The following KCNQ3 variants were observed in gnomAD, a reference collection of about 807,000 sequenced individuals.
KCNQ3 encodes potassium voltage-gated channel subfamily KQT member 3.
KCNQ3 carries 30 observed loss-of-function variants against 92.5 expected under a neutral mutation model. That is an observed-to-expected ratio of 0.32 (90% CI 0.24 to 0.44). KCNQ3 has a LOEUF of 0.44. KCNQ3 is among the 20% of genes least tolerant of loss of function. KCNQ3 has a pLI of 1.00. For missense variants in KCNQ3, 913 were observed against 1,140.3 expected, an observed-to-expected ratio of 0.80 and a Z score of 2.87; for synonymous variants, 450 against 468.8, an observed-to-expected ratio of 0.96 and a Z score of 0.52.
chr8:132,264,612 A>C (rs957353546), intron 1 of KCNQ3, among the ~76,000 whole-genome samples: 11 of 152,346 alleles, frequency 7.2e-5, no homozygotes, highest in Admixed American at 6.5e-4. Context: ...GACATGTGCC[A>C]GGAGTCCCAC....
chr8:132,346,438 T>A (rs1818691093), intron 1 of KCNQ3, among the ~76,000 whole-genome samples: 2 of 151,966 alleles, frequency 1.3e-5, no homozygotes, highest in African/African-American at 4.8e-5. Flanking sequence ...TTTCCAAAGG[T>A]CGGGATGACT....
intron 1 of KCNQ3, among the ~76,000 whole-genome samples, chr8:132,464,916 G>A (rs978174978): frequency 1.3e-5 from 2 of 152,202 alleles, no homozygotes; most frequent in African/African-American, 2.4e-5. Flanking sequence ...AATGGCCTCT[G>A]AGTGATCAGT....
intron 1 of KCNQ3, among the ~76,000 whole-genome samples, chr8:132,373,895 A>T (rs1819542013): frequency 6.6e-6 from 1 of 152,066 alleles, no homozygotes; most frequent in Admixed American, 6.5e-5. Context: ...AGGCCACGGC[A>T]ACCCCCTCAG....
At chr8:132,221,346 G>C (rs954935254) in intron 1 of KCNQ3, among the ~76,000 whole-genome samples, 2 of 152,258 alleles carry the variant, frequency 1.3e-5, no homozygotes, top group African/African-American at 4.8e-5. Flanking sequence ...TGGGAGCACT[G>C]GGTCAAATGG....
chr8:132,229,211 G>A (rs1255632706), intron 1 of KCNQ3, among the ~76,000 whole-genome samples: 1 of 151,072 alleles, frequency 6.6e-6, no homozygotes, highest in African/African-American at 2.4e-5. Context: ...CTGAGATGGT[G>A]AGATCATGCC....
At chr8:132,261,325 C>T (rs1474731116) in intron 1 of KCNQ3, among the ~76,000 whole-genome samples, 2 of 152,166 alleles carry the variant, frequency 1.3e-5, no homozygotes, top group South Asian at 2.1e-4. Flanking sequence ...TGCCTCTCTA[C>T]CCCAGTCAAG....
chr8:132,171,817 C>A (rs530371016), intron 7 of KCNQ3, among the ~76,000 whole-genome samples: 13 of 152,168 alleles, frequency 8.5e-5, no homozygotes, highest in African/African-American at 3.1e-4. Flanking sequence ...AAGCCTAGTG[C>A]AGCCCCAGGT....
chr8:132,307,560 C>T (rs750612422), intron 1 of KCNQ3, among the ~76,000 whole-genome samples: 7 of 152,320 alleles, frequency 4.6e-5, no homozygotes, highest in Admixed American at 6.5e-5. Context: ...TTTCTAGATT[C>T]AAGACTTCCC....
At position 132,392,640 on chromosome 8, in the gene KCNQ3, AT is replaced by A. The variant is rs1290431938; in HGVS notation, c.386+87506del. ...AACACAGCAAGACCCTGACTCTACA[AT>A]TTTTTTTTAATTAGCTGGGCATGGT... On this transcript the variant is annotated intron_variant, in intron 1 of 14. Transcript: ENST00000388996. Among the ~76,000 whole-genome samples, 11 of 150,736 alleles carry A rather than the reference AT, an allele frequency of 7.3e-5. No individual in the cohort carries two copies. The South Asian group carries it at 8.4e-4, about 12-fold the overall frequency.
chr8:132,480,540 GC>G lies in KCNQ3; in HGVS notation c.-9del. ...GCGCGCCTTGAGCCCCATCTGCCTC[GC>G]CCCCGCCGGCCGCTTCGCCTTCTCC... On this transcript the variant is annotated 5_prime_UTR_variant, in exon 1 of 15. Coordinates refer to ENST00000388996, the MANE Select transcript of KCNQ3 (RefSeq NM_004519.4). 4.0e-6 allele frequency: 5 copies of G among 1,245,446 alleles called. No individual in the cohort carries two copies. Among genetic ancestry groups the G allele is most frequent in the Admixed American group, 2.5e-5 (1 of 40,036 alleles). The allele number at this position is 1,245,446 out of a possible 1,614,324, so 77.1% of individuals were successfully genotyped here.
rs536984388 is a variant in KCNQ3, at chr8:132,335,044, C to T, written c.386+145103G>A. Among the ~76,000 whole-genome samples the T allele has an allele frequency of 2.4e-3, 354 of 149,474 alleles. 5 individuals are homozygous for T. The highest frequency in any genetic ancestry group is 0.014 in the Middle Eastern group (4 of 288). On this transcript the variant is annotated intron_variant, in intron 1 of 14. Coordinates refer to ENST00000388996, the MANE Select transcript of KCNQ3 (RefSeq NM_004519.4). Reference sequence around the variant, plus strand: ...TTCCTTCCTTGTTTTCTTTTCTTTTCTTTTTTCTTCTTTTTTTGAAGGAGT... The same window carrying T: ...TTCCTTCCTTGTTTTCTTTTCTTTTTTTTTTTCTTCTTTTTTTGAAGGAGT...
intron 1 of KCNQ3, among the ~76,000 whole-genome samples, chr8:132,250,795 T>C (rs1815382114): frequency 6.6e-6 from 1 of 152,178 alleles, no homozygotes; most frequent in African/African-American, 2.4e-5. Context: ...ACGTAATGGC[T>C]GCCCTTAAGG....
At chr8:132,157,873 C>G (rs560143480) in intron 9 of KCNQ3, among the ~76,000 whole-genome samples, 65 of 152,234 alleles carry the variant, frequency 4.3e-4, no homozygotes, top group Non-Finnish European at 8.7e-4. Flanking sequence ...GTTCCCCTCC[C>G]TGTGTCCATG....
intron 1 of KCNQ3, among the ~76,000 whole-genome samples, chr8:132,395,325 T>G (rs1383726990): frequency 6.6e-6 from 1 of 152,194 alleles, no homozygotes; most frequent in Non-Finnish European, 1.5e-5. Flanking sequence ...TTAACTATGG[T>G]CATCCTACAG....
chr8:132,166,192 A>G (rs766822587), intron 8 of KCNQ3, among the ~76,000 whole-genome samples: 3 of 152,214 alleles, frequency 2.0e-5, no homozygotes, highest in Non-Finnish European at 4.4e-5. Flanking sequence ...TAAAATTAAA[A>G]AATCTGTTCC....
At chr8:132,374,551 G>C (rs1819560539) in intron 1 of KCNQ3, among the ~76,000 whole-genome samples, 1 of 152,180 alleles carries the variant, frequency 6.6e-6, no homozygotes, top group Admixed American at 6.5e-5. Context: ...AGGTTCACAG[G>C]TACACGTACA....
At position 132,141,245 on chromosome 8, in the gene KCNQ3, A is replaced by G. The variant is rs1440481290; in HGVS notation, c.1349T>C (p.Val450Ala). ...TKGKLFTPLN[V>A]DAIEESPSKE... The stretch of plus-strand genomic sequence containing the variant: ...AGAAGGACTTTCTTCTATGGCATCT[A>G]CATTCAGAGGGGTAAATAGCTTTCC... The change falls in exon 10 of 15, where the codon GTA becomes GCA. Residue 450 changes from valine to alanine, a missense_variant. By Grantham distance (64) the Val-to-Ala change is moderately conservative. Transcript: ENST00000388996. 1 of 1,614,214 alleles carries G rather than the reference A, an allele frequency of 6.2e-7. No homozygotes were observed. Among genetic ancestry groups the G allele is most frequent in the Non-Finnish European group, 8.5e-7 (1 of 1,180,016 alleles).
rs1445113174 is a variant in KCNQ3 at position 132,129,176 on chromosome 8, C to A, written c.*86G>T. Reference sequence around the variant, plus strand: ...ATGCATTTGATGCAGCCATTGGTGTCCCCGCTGGTAAGCGTCGGGTGTAAG... The same window carrying A: ...ATGCATTTGATGCAGCCATTGGTGTACCCGCTGGTAAGCGTCGGGTGTAAG... On this transcript the variant is annotated 3_prime_UTR_variant, in exon 15 of 15. Coordinates refer to ENST00000388996, the MANE Select transcript of KCNQ3 (RefSeq NM_004519.4). The surrounding 1 kb of genome is among the most constrained non-coding windows in gnomAD (Gnocchi z 5.9). The A allele has an allele frequency of 6.6e-7, 1 of 1,516,724 alleles. No homozygotes were observed. The highest frequency in any genetic ancestry group is 9.0e-7 in the Non-Finnish European group (1 of 1,115,216). The allele number at this position is 1,516,724 out of a possible 1,614,324, so 94.0% of individuals were successfully genotyped here.
At chr8:132,333,573 C>T (rs975450353) in intron 1 of KCNQ3, among the ~76,000 whole-genome samples, 1 of 152,052 alleles carries the variant, frequency 6.6e-6, no homozygotes, top group African/African-American at 2.4e-5. Flanking sequence ...CACTCAAAAC[C>T]AACCATTTTT....
Sources: gnomAD v4.1 joint callset for allele counts (sites outside exome capture counted in the v4.1 genomes callset) on GRCh38, gnomAD v4.1.1 for gene constraint, Gnocchi (gnomAD v3.1) non-coding constraint, MANE v1.5 for transcripts, NCBI Gene and HGNC (gene_info 2026-07-23, HGNC 2026-07-21) for gene names.